Variants in DENND1A observed in about 807,000 individuals in gnomAD.
The protein encoded by DENND1A is DENN domain-containing protein 1A.
A neutral mutation model predicts 113.7 loss-of-function variants in DENND1A; 51 were observed. That is an observed-to-expected ratio of 0.45 (90% CI 0.36 to 0.57). The LOEUF (loss-of-function observed/expected upper bound fraction) is 0.57, where lower values mean the gene tolerates loss of function less well. Ranked by LOEUF, DENND1A falls within the 20% of genes least tolerant of loss-of-function variation. DENND1A has a pLI of 0.00. For missense variants in DENND1A, 1,258 were observed against 1,395.9 expected, an observed-to-expected ratio of 0.90 and a Z score of 1.57; for synonymous variants, 565 against 570.8, an observed-to-expected ratio of 0.99 and a Z score of 0.14.
In DENND1A at chr9:123,423,729, A is replaced by G. The variant is rs538561352; in HGVS notation, c.1489-11900T>C. Among the ~76,000 whole-genome samples the G allele has an allele frequency of 6.6e-5, 10 of 152,190 alleles. No individual in the cohort carries two copies. In the South Asian group the frequency reaches 2.1e-3, roughly 32 times the overall value. On this transcript the variant is annotated intron_variant, in intron 19 of 23. Coordinates refer to ENST00000394215, the MANE Select transcript of DENND1A (RefSeq NM_001352964.2). ...TTATTTATACAGTACTTCTATTTCC[A>G]TACTCCAGCCCTGATGCACCAAGAT...
At chr9:123,750,814 G>A (rs1401736674) in intron 5 of DENND1A, among the ~76,000 whole-genome samples, 1 of 152,144 alleles carries the variant, frequency 6.6e-6, no homozygotes, top group East Asian at 1.9e-4. Flanking sequence ...ATGCCCAACT[G>A]CCCTCAAACA....
At chr9:123,567,120 CG>C (rs2058098775) in intron 12 of DENND1A, among the ~76,000 whole-genome samples, 1 of 152,070 alleles carries the variant, frequency 6.6e-6, no homozygotes, top group Non-Finnish European at 1.5e-5. Flanking sequence ...TATATTTATC[CG>C]GGGAGTGTTT....
intron 5 of DENND1A, among the ~76,000 whole-genome samples, chr9:123,706,744 C>A (rs1328358190): frequency 8.5e-6 from 1 of 117,434 alleles, no homozygotes; most frequent in Non-Finnish European, 1.6e-5. Flanking sequence ...GCCCTCCAGT[C>A]TGGGTGACAG....
At chr9:123,742,319 A>G (rs1458375144) in intron 5 of DENND1A, among the ~76,000 whole-genome samples, 1 of 152,146 alleles carries the variant, frequency 6.6e-6, no homozygotes, top group Non-Finnish European at 1.5e-5. Context: ...AATGAGTTTA[A>G]CAAAGGAGGT....
At chr9:123,466,358 G>C (rs926262842) in intron 13 of DENND1A, among the ~76,000 whole-genome samples, 2 of 151,776 alleles carry the variant, frequency 1.3e-5, no homozygotes, top group South Asian at 2.1e-4. Flanking sequence ...AGAGAGCAGC[G>C]ATGTGATCTC....
intron 1 of DENND1A, among the ~76,000 whole-genome samples, chr9:123,920,441 A>C (rs746416046): frequency 3.3e-5 from 5 of 152,224 alleles, no homozygotes; most frequent in South Asian, 4.1e-4. Flanking sequence ...CACACACAAA[A>C]AAAACACTTT....
At chr9:123,905,330 T>C (rs1423465058) in intron 1 of DENND1A, among the ~76,000 whole-genome samples, 6 of 149,200 alleles carry the variant, frequency 4.0e-5, no homozygotes, top group South Asian at 2.1e-4. Context: ...AACATCATAA[T>C]GACAGGATCA....
chr9:123,876,154 C>T (rs1260134882), intron 2 of DENND1A, among the ~76,000 whole-genome samples: 3 of 152,152 alleles, frequency 2.0e-5, no homozygotes, highest in Non-Finnish European at 2.9e-5. Flanking sequence ...AAGATCCAAT[C>T]AGACAGATAC....
At chr9:123,491,941 T>C (rs1008647976) in intron 13 of DENND1A, 2 of 152,230 alleles carry the variant, frequency 1.3e-5, no homozygotes, top group African/African-American at 4.8e-5. Context: ...TGGATCTTAC[T>C]ACCTTACGGG....
chr9:123,793,603 T>C (rs1444309791), intron 2 of DENND1A, among the ~76,000 whole-genome samples: 2 of 152,150 alleles, frequency 1.3e-5, no homozygotes, highest in Non-Finnish European at 2.9e-5. Context: ...TCACAATATA[T>C]GCTACCCATG....
intron 2 of DENND1A, among the ~76,000 whole-genome samples, chr9:123,827,121 G>A (rs1445479830): frequency 1.3e-5 from 2 of 152,032 alleles, no homozygotes; most frequent in African/African-American, 4.8e-5. Context: ...AATTATGTGG[G>A]AGGATTCATA....
At chr9:123,769,873 C>T (rs1829449541) in intron 3 of DENND1A, among the ~76,000 whole-genome samples, 1 of 152,168 alleles carries the variant, frequency 6.6e-6, no homozygotes, top group Admixed American at 6.5e-5. Flanking sequence ...CAGGGAACAT[C>T]TCCAGCCTGA....
intron 21 of DENND1A, among the ~76,000 whole-genome samples, chr9:123,398,365 CTTTT>C (rs903949693): frequency 6.7e-6 from 1 of 150,336 alleles, no homozygotes; most frequent in South Asian, 2.1e-4. Context: ...CTGCCATTGG[CTTTT>C]TTTTTTCTTT....
At chr9:123,645,600 C>T (rs1047805756) in intron 9 of DENND1A, among the ~76,000 whole-genome samples, 12 of 152,162 alleles carry the variant, frequency 7.9e-5, no homozygotes, top group African/African-American at 1.7e-4. Flanking sequence ...GCCAACTGCA[C>T]GTGACATACA....
chr9:123,832,647 G>A (rs1258970050), intron 2 of DENND1A, among the ~76,000 whole-genome samples: 1 of 152,158 alleles, frequency 6.6e-6, no homozygotes, highest in Non-Finnish European at 1.5e-5. Flanking sequence ...ATCGATTGTG[G>A]CATATTCATA....
At chr9:123,741,267 C>T (rs1004685630) in intron 5 of DENND1A, among the ~76,000 whole-genome samples, 5 of 152,254 alleles carry the variant, frequency 3.3e-5, no homozygotes, top group South Asian at 2.1e-4. Flanking sequence ...AATAAATATT[C>T]TACTCCAACA....
chr9:123,827,674 T>G (rs530703009), intron 2 of DENND1A, among the ~76,000 whole-genome samples: 2 of 152,256 alleles, frequency 1.3e-5, no homozygotes, highest in South Asian at 4.1e-4. Context: ...GACAAAACTG[T>G]AATTTTTTGT....
rs559182748 is a variant in DENND1A, at chr9:123,764,978, A to T, written c.182+4536T>A. On this transcript the variant is annotated intron_variant, in intron 4 of 23. Transcript: ENST00000394215. The surrounding 1 kb of genome is among the most constrained non-coding windows in gnomAD (Gnocchi z 4.1). ...CCTATATTGTATGCTAAACCAAGGG[A>T]CTTCAAGGGCCCAGTGGGTTCAGGT... 1.3e-5 allele frequency among the ~76,000 whole-genome samples: 2 copies of T among 152,208 alleles called. No homozygotes were observed. The highest frequency in any genetic ancestry group is 4.2e-4 in the South Asian group (2 of 4,816).
chr9:123,777,013 A>G (rs571768319), intron 3 of DENND1A, among the ~76,000 whole-genome samples: 1 of 152,360 alleles, frequency 6.6e-6, no homozygotes, highest in East Asian at 1.9e-4. Context: ...ACAATGCATC[A>G]GCCTCTTTTC....
Sources: gnomAD v4.1 joint callset for allele counts (sites outside exome capture counted in the v4.1 genomes callset) on GRCh38, gnomAD v4.1.1 for gene constraint, Gnocchi (gnomAD v3.1) non-coding constraint, MANE v1.5 for transcripts, NCBI Gene and HGNC (gene_info 2026-07-23, HGNC 2026-07-21) for gene names.